LHFPL3: variants seen among roughly 807,000 people sequenced by gnomAD.
LHFPL3 encodes the protein LHFPL tetraspan subfamily member 3 protein.
In LHFPL3, 5 loss-of-function variants were observed where a neutral mutation model predicts 19.3. The observed-to-expected ratio is 0.26, with a 90% CI of 0.14 to 0.54. The LOEUF (loss-of-function observed/expected upper bound fraction) is 0.54. Among genes scored for constraint, LHFPL3 ranks in the 20% least tolerant of loss-of-function variants. The pLI, the probability that LHFPL3 is intolerant of heterozygous loss-of-function variation, is 0.94. For missense variants in LHFPL3, 249 were observed against 307.4 expected, an observed-to-expected ratio of 0.81 and a Z score of 1.42; for synonymous variants, 133 against 126.2, an observed-to-expected ratio of 1.05 and a Z score of -0.36.
chr7:104,590,484 G>C (rs901961403), intron 1 of LHFPL3, among the ~76,000 whole-genome samples: 64 of 152,240 alleles, frequency 4.2e-4, no homozygotes, highest in Non-Finnish European at 7.5e-4. Flanking sequence ...GAGACAGTTT[G>C]TTATAATTTC....
At chr7:104,823,814 GAGAA>G (rs1790724844) in intron 2 of LHFPL3, among the ~76,000 whole-genome samples, 1 of 152,008 alleles carries the variant, frequency 6.6e-6, no homozygotes. Context: ...TGGAAAAAAA[GAGAA>G]AGAGATATGG....
chr7:104,432,747 G>T (rs1371465658), intron 1 of LHFPL3, among the ~76,000 whole-genome samples: 1 of 152,138 alleles, frequency 6.6e-6, no homozygotes, highest in Non-Finnish European at 1.5e-5. Flanking sequence ...TCAAAGCCAG[G>T]ATCTGAATGT....
intron 1 of LHFPL3, among the ~76,000 whole-genome samples, chr7:104,537,072 T>A (rs193089302): frequency 6.6e-6 from 1 of 152,348 alleles, no homozygotes; most frequent in Admixed American, 6.5e-5. Flanking sequence ...CCCTTGCAGC[T>A]TCTTTAATGA....
chr7:104,754,454 C>T (rs189686059), intron 2 of LHFPL3, among the ~76,000 whole-genome samples: 131 of 152,254 alleles, frequency 8.6e-4, no homozygotes, highest in Non-Finnish European at 1.7e-3. Flanking sequence ...TTGTTGTCAG[C>T]CTGCCTGGAT....
chr7:104,592,426 C>CTGCAGAACAGCAAATAT (rs57947061), intron 1 of LHFPL3, among the ~76,000 whole-genome samples: 135,952 of 140,718 alleles, frequency 0.97, 65,885 homozygotes, highest in East Asian at 1. Context: ...CCAGCGGAGG[C>CTGCAGAACAGCAAATAT]TGCAGAACAG....
chr7:104,586,825 GC>G (rs1346492493), intron 1 of LHFPL3, among the ~76,000 whole-genome samples: 2 of 152,140 alleles, frequency 1.3e-5, no homozygotes, highest in Admixed American at 1.3e-4. Context: ...TTCTGGCCAA[GC>G]ACATTAACAC....
chr7:104,381,045 GT>G (rs1790817106), intron 1 of LHFPL3, among the ~76,000 whole-genome samples: 1 of 152,120 alleles, frequency 6.6e-6, no homozygotes, highest in South Asian at 2.1e-4. Flanking sequence ...ATATCAAAAA[GT>G]AAAATATAAT....
intron 2 of LHFPL3, among the ~76,000 whole-genome samples, chr7:104,781,028 G>GTGCCTTGTT (rs1322316514): frequency 2.0e-4 from 31 of 152,074 alleles, no homozygotes; most frequent in Non-Finnish European, 4.0e-4. Context: ...AAGTCCATCA[G>GTGCCTTGTT]GATGCCAACC....
At chr7:104,585,483 A>G (rs1213052825) in intron 1 of LHFPL3, among the ~76,000 whole-genome samples, 1 of 89,720 alleles carries the variant, frequency 1.1e-5, no homozygotes, top group East Asian at 5.2e-4. Flanking sequence ...ACACACAAAC[A>G]CACACACACA....
At chr7:104,579,558 C>T (rs1790415439) in intron 1 of LHFPL3, among the ~76,000 whole-genome samples, 1 of 152,190 alleles carries the variant, frequency 6.6e-6, no homozygotes, top group Admixed American at 6.5e-5. Context: ...ATCCAGTCCA[C>T]CATTGATGGG....
At chr7:104,735,189 G>T (rs1205581081) in intron 1 of LHFPL3, among the ~76,000 whole-genome samples, 1 of 152,236 alleles carries the variant, frequency 6.6e-6, no homozygotes, top group Non-Finnish European at 1.5e-5. Flanking sequence ...GAGGCAGTCT[G>T]TTGGTTCTCA....
intron 1 of LHFPL3, among the ~76,000 whole-genome samples, chr7:104,480,530 A>T (rs1269101005): frequency 6.6e-6 from 1 of 152,246 alleles, no homozygotes; most frequent in Non-Finnish European, 1.5e-5. Flanking sequence ...AGAATATTTC[A>T]GGGACATGTA....
Position 104,394,897 on chromosome 7 carries a change from C to T in LHFPL3, c.445+65673C>T, listed in dbSNP as rs571568214. Among the ~76,000 whole-genome samples the T allele has an allele frequency of 2.6e-5, 4 of 152,128 alleles. No individual in the cohort carries two copies. The South Asian group carries it at 8.3e-4, about 32-fold the overall frequency. On this transcript the variant is annotated intron_variant, in intron 1 of 2. Coordinates refer to ENST00000424859, the MANE Select transcript of LHFPL3 (RefSeq NM_199000.3). ...TGTATTTTTAGTAGAGATAGGGTTT[C>T]ACCATCTTAGCGAGGCTGGTCTCGA...
chr7:104,595,945 T>G (rs1358210547), intron 1 of LHFPL3, among the ~76,000 whole-genome samples: 1 of 152,242 alleles, frequency 6.6e-6, no homozygotes, highest in Non-Finnish European at 1.5e-5. Context: ...AGGAGTGTCC[T>G]GCTTTTCCAA....
At chr7:104,884,837 TAAC>T (rs773934259) in intron 2 of LHFPL3, among the ~76,000 whole-genome samples, 1 of 152,262 alleles carries the variant, frequency 6.6e-6, no homozygotes, top group Non-Finnish European at 1.5e-5. Flanking sequence ...TTCTGTAACT[TAAC>T]AGCCCAGGCC....
At chr7:104,402,530 G>A (rs4727599) in intron 1 of LHFPL3, among the ~76,000 whole-genome samples, 2 of 151,954 alleles carry the variant, frequency 1.3e-5, no homozygotes, top group Non-Finnish European at 2.9e-5. Context: ...GTTTGTGGCT[G>A]AGAATCGTAT....
At chr7:104,877,275 A>C (rs1562822930) in intron 2 of LHFPL3, among the ~76,000 whole-genome samples, 1 of 138,086 alleles carries the variant, frequency 7.2e-6, no homozygotes, top group Non-Finnish European at 1.6e-5. Context: ...TTAAAGTATA[A>C]TAAAAAAAAA....
chr7:104,828,672 T>C (rs1314378976), intron 2 of LHFPL3, among the ~76,000 whole-genome samples: 1 of 151,950 alleles, frequency 6.6e-6, no homozygotes, highest in Non-Finnish European at 1.5e-5. Flanking sequence ...ACTCCTCCCA[T>C]GCCAGAGTAG....
chr7:104,533,956 G>A (rs894864639), intron 1 of LHFPL3, among the ~76,000 whole-genome samples: 4 of 152,074 alleles, frequency 2.6e-5, no homozygotes, highest in African/African-American at 4.8e-5. Flanking sequence ...AAACCCCTAC[G>A]TTCCAGACTG....
Sources: gnomAD v4.1 joint callset for allele counts (sites outside exome capture counted in the v4.1 genomes callset) on GRCh38, gnomAD v4.1.1 for gene constraint, MANE v1.5 for transcripts, NCBI Gene and HGNC (gene_info 2026-07-23, HGNC 2026-07-21) for gene names.